Variants in EXOC6B observed in about 807,000 individuals in gnomAD.
EXOC6B encodes the protein exocyst complex component 6B, also known as SEC15 homolog B.
EXOC6B carries 54 observed loss-of-function variants against 113.5 expected under a neutral mutation model. That is an observed-to-expected ratio of 0.48 (90% CI 0.38 to 0.60). The LOEUF is 0.60. Ranked by LOEUF, EXOC6B falls within the 20% of genes least tolerant of loss-of-function variation. The probability of loss-of-function intolerance (pLI) is 0.00; values close to 1 mark genes in which losing one functional copy is unlikely to be tolerated. For missense variants in EXOC6B, 797 were observed against 977.5 expected (o/e 0.82, Z 2.46); for synonymous variants, 357 against 339.0 (o/e 1.05, Z -0.58).
chr2:72,386,350 G>A (rs1187199752), intron 18 of EXOC6B, among the ~76,000 whole-genome samples: 1 of 152,184 alleles, frequency 6.6e-6, no homozygotes, highest in Non-Finnish European at 1.5e-5. Flanking sequence ...AGGCTGCTGA[G>A]CAACCACTTG....
chr2:72,237,568 T>C (rs1190749152), intron 20 of EXOC6B, among the ~76,000 whole-genome samples: 2 of 152,294 alleles, frequency 1.3e-5, no homozygotes, highest in African/African-American at 4.8e-5. Context: ...ATCTAAAGCA[T>C]GCTACACTTT....
At chr2:72,249,905 A>C (rs1347596376) in intron 20 of EXOC6B, among the ~76,000 whole-genome samples, 1 of 152,208 alleles carries the variant, frequency 6.6e-6, no homozygotes. Flanking sequence ...TCAACTTAAT[A>C]TAATAGCTTT....
intron 12 of EXOC6B, among the ~76,000 whole-genome samples, 187 bp from the exon 13 acceptor site, chr2:72,498,738 A>C (rs1443872441): frequency 2.0e-5 from 3 of 152,064 alleles, no homozygotes; most frequent in African/African-American, 7.2e-5. Flanking sequence ...ATCTCTCAAA[A>C]ATTAAATAAT....
At chr2:72,470,881 G>C (rs1698365969) in intron 17 of EXOC6B, among the ~76,000 whole-genome samples, 4 of 152,112 alleles carry the variant, frequency 2.6e-5, no homozygotes, top group Admixed American at 2.6e-4. Context: ...GGACATTTGG[G>C]TTGGTTCCAA....
intron 6 of EXOC6B, among the ~76,000 whole-genome samples, chr2:72,630,512 T>C (rs956008107): frequency 3.3e-5 from 5 of 152,170 alleles, no homozygotes; most frequent in Non-Finnish European, 7.3e-5. Context: ...GTTAACTGAA[T>C]ATGCAAAACC....
intron 20 of EXOC6B, among the ~76,000 whole-genome samples, chr2:72,255,098 G>T (rs1172652414): frequency 1.3e-5 from 2 of 152,134 alleles, no homozygotes; most frequent in African/African-American, 4.8e-5. Flanking sequence ...AAGAGACTTG[G>T]CATGTGTCTC....
chr2:72,504,625 T>C (rs1239171071), intron 11 of EXOC6B, among the ~76,000 whole-genome samples: 1 of 152,188 alleles, frequency 6.6e-6, no homozygotes, highest in Non-Finnish European at 1.5e-5. Flanking sequence ...TTTATTATGG[T>C]GTATTATGGC....
chr2:72,743,621 G>A (rs141093254), intron 1 of EXOC6B, among the ~76,000 whole-genome samples: 2 of 152,216 alleles, frequency 1.3e-5, no homozygotes, highest in Non-Finnish European at 2.9e-5. Flanking sequence ...GTAAGTTCAA[G>A]GGCAAGAATT....
At chr2:72,684,777 G>GA (rs1294806561) in intron 6 of EXOC6B, among the ~76,000 whole-genome samples, 1 of 152,140 alleles carries the variant, frequency 6.6e-6, no homozygotes, top group Non-Finnish European at 1.5e-5. Flanking sequence ...ATCTATAGTG[G>GA]AAAAAATCAG....
At position 72,374,083 on chromosome 2, in the gene EXOC6B, T is replaced by A. The variant is rs569189230; in HGVS notation, c.2122+5646A>T. On this transcript the variant is annotated intron_variant, in intron 19 of 21. Coordinates refer to ENST00000272427, the MANE Select transcript of EXOC6B (RefSeq NM_015189.3). ...AGACCCTGTCTCAAAAAAAAAATTTTTTTTTAAATCCACTATGGAGAATAA... is the reference window on the plus strand; with the variant it reads ...AGACCCTGTCTCAAAAAAAAAATTTATTTTTAAATCCACTATGGAGAATAA... Among the ~76,000 whole-genome samples, 3 of 152,286 alleles carry A rather than the reference T, an allele frequency of 2.0e-5. No homozygotes were observed. The South Asian group carries it at 6.2e-4, about 32-fold the overall frequency.
Position 72,826,026 on chromosome 2 carries a change from A to G in EXOC6B, c.-116T>C. 1 of 1,471,850 alleles carries G rather than the reference A, an allele frequency of 6.8e-7. No homozygotes were observed. The highest frequency in any genetic ancestry group is 1.3e-5 in the South Asian group (1 of 74,418). The allele number at this position is 1,471,850 out of a possible 1,614,324, so 91.2% of individuals were successfully genotyped here. A position where few individuals can be genotyped will look rare whatever the true frequency, so the allele number is the denominator to read the frequency against. On this transcript the variant is annotated 5_prime_UTR_variant, in exon 1 of 22. Coordinates refer to ENST00000272427, the MANE Select transcript of EXOC6B (RefSeq NM_015189.3). ...GCCGCCCCAGCCTCTGGCTACCCGC[A>G]GGCCGACCCCTCCCTCAGGCTCGAC...
At position 72,767,654 on chromosome 2, in the gene EXOC6B, A is replaced by G. The variant is rs1181223668; in HGVS notation, c.114-26185T>C. On this transcript the variant is annotated intron_variant, in intron 1 of 21. Transcript: ENST00000272427. ...GCAAAACCCCATCTCTACAAAAAAT[A>G]CCAAAAAAGTTAGCTAGGCATGGTG... Among the ~76,000 whole-genome samples the G allele has an allele frequency of 3.3e-5, 5 of 150,596 alleles. No homozygotes were observed. In the East Asian group the frequency reaches 9.8e-4, roughly 29 times the overall value.
Position 72,733,333 on chromosome 2 carries a change from A to C in EXOC6B, c.280-215T>G, listed in dbSNP as rs554781404. Among the ~76,000 whole-genome samples, 6 of 152,294 alleles carry C rather than the reference A, an allele frequency of 3.9e-5. No individual in the cohort carries two copies. In the East Asian group the frequency reaches 1.2e-3, roughly 29 times the overall value. ...CTTTTGAAAAGAAAAATTTGCTAAC[A>C]AATATGGTGAGTTTAGAACAGTTCT... On this transcript the variant is annotated intron_variant, in intron 2 of 21. Transcript: ENST00000272427.
chr2:72,518,668 C>CATCACAT (rs1701340104), intron 8 of EXOC6B, among the ~76,000 whole-genome samples: 1 of 152,192 alleles, frequency 6.6e-6, no homozygotes, highest in Admixed American at 6.5e-5. Context: ...GAAAAAAAGG[C>CATCACAT]ATCACATATC....
chr2:72,741,366 G>A lies in EXOC6B; in HGVS notation c.217C>T (p.Gln73Ter). ...TCAGTTATAGAGTCCACAAAGCCCT[G>A]GTAATGAAAGTTGCACATTTTCTCA... ...EIEKMCNFHYQGFVDSITELL... is the reference protein window; with the variant it reads ...EIEKMCNFHY The change falls in exon 2 of 22, where the codon CAG becomes TAG. Residue 73 changes from glutamine to a stop codon, truncating the protein, a stop_gained. Coordinates refer to ENST00000272427, the MANE Select transcript of EXOC6B (RefSeq NM_015189.3). LOFTEE classifies it high-confidence loss of function. The A allele has an allele frequency of 6.2e-7, 1 of 1,613,568 alleles. No homozygotes were observed. Among genetic ancestry groups the A allele is most frequent in the African/African-American group, 1.3e-5 (1 of 74,892 alleles).
intron 7 of EXOC6B, among the ~76,000 whole-genome samples, chr2:72,560,545 T>C (rs1703833737): frequency 6.6e-6 from 1 of 152,236 alleles, no homozygotes; most frequent in Non-Finnish European, 1.5e-5. Flanking sequence ...TTTTGGGGCA[T>C]AGCTTCTTTA....
intron 1 of EXOC6B, among the ~76,000 whole-genome samples, chr2:72,800,936 T>G (rs1226502307): frequency 6.6e-6 from 1 of 152,210 alleles, no homozygotes; most frequent in African/African-American, 2.4e-5. Flanking sequence ...ATACCCTCTT[T>G]CCCTCTCATT....
At chr2:72,495,610 G>C in intron 14 of EXOC6B, 71 bp from the exon 15 acceptor site, 1 of 845,238 alleles carries the variant, frequency 1.2e-6, no homozygotes, top group South Asian at 1.7e-5. Flanking sequence ...AAATTATTTA[G>C]GTTGCAAAAA....
chr2:72,282,689 C>T (rs911757859), intron 20 of EXOC6B, among the ~76,000 whole-genome samples: 1 of 151,946 alleles, frequency 6.6e-6, no homozygotes, highest in Non-Finnish European at 1.5e-5. Flanking sequence ...TTAAAAATAA[C>T]AATCTTGAAA....
Sources: gnomAD v4.1 joint callset for allele counts (sites outside exome capture counted in the v4.1 genomes callset) on GRCh38, gnomAD v4.1.1 for gene constraint, MANE v1.5 for transcripts, NCBI Gene and HGNC (gene_info 2026-07-23, HGNC 2026-07-21) for gene names.